Variants in POLQ observed in about 807,000 individuals in gnomAD.
The protein encoded by POLQ is epididymis secretory sperm binding protein.
A neutral mutation model predicts 259.2 loss-of-function variants in POLQ; 233 were observed. That is an observed-to-expected ratio of 0.90 (90% confidence interval 0.81 to 1.00). The LOEUF is 1.00. Ranked by LOEUF, POLQ falls within the 50% of genes least tolerant of loss-of-function variation. The probability of loss-of-function intolerance (pLI) is 0.00; values close to 1 mark genes in which losing one functional copy is unlikely to be tolerated. For missense variants in POLQ, 2,871 were observed against 3,051.6 expected (o/e 0.94, Z 1.39); for synonymous variants, 1,025 against 1,048.8 (o/e 0.98, Z 0.44).
intron 10 of POLQ, among the ~76,000 whole-genome samples, chr3:121,510,867 C>T (rs1189003899): frequency 3.9e-5 from 6 of 152,072 alleles, no homozygotes; most frequent in South Asian, 2.1e-4. Flanking sequence ...GGGCAGATCA[C>T]GAGGTCAGGA....
intron 25 of POLQ, among the ~76,000 whole-genome samples, chr3:121,452,811 G>T (rs1040052208): frequency 1.3e-5 from 2 of 152,130 alleles, no homozygotes; most frequent in African/African-American, 4.8e-5. Flanking sequence ...TGGGGGCAGG[G>T]CACAGAAAAA....
intron 5 of POLQ, 150 bp from the exon 6 acceptor site, chr3:121,533,359 G>T: frequency 2.1e-6 from 1 of 467,030 alleles, no homozygotes; most frequent in East Asian, 3.2e-5. Context: ...CTGAGCCACA[G>T]ATTACTGAGT....
At chr3:121,482,345 C>G (rs1346493198) in intron 18 of POLQ, among the ~76,000 whole-genome samples, 1 of 151,948 alleles carries the variant, frequency 6.6e-6, no homozygotes, top group African/African-American at 2.4e-5. Flanking sequence ...ATGGTGAAAC[C>G]CTGTCTCTAC....
At chr3:121,472,556 G>A (rs533971428) in intron 21 of POLQ, among the ~76,000 whole-genome samples, 1 of 152,098 alleles carries the variant, frequency 6.6e-6, no homozygotes, top group Admixed American at 6.5e-5. Context: ...ATACTTATAC[G>A]GTTTCCATAT....
intron 12 of POLQ, among the ~76,000 whole-genome samples, chr3:121,505,891 G>T (rs989798794): frequency 6.6e-6 from 1 of 150,572 alleles, no homozygotes; most frequent in Non-Finnish European, 1.5e-5. Context: ...GTGTGATGGC[G>T]CATGTCTGTA....
At chr3:121,522,210 T>C in intron 7 of POLQ, 61 bp from the exon 8 acceptor site, 2 of 1,377,540 alleles carry the variant, frequency 1.5e-6, no homozygotes, top group Non-Finnish European at 2.0e-6. Context: ...AGTGTATCTG[T>C]CTAAATCATA....
chr3:121,489,122 G>A lies in POLQ; in HGVS notation c.3809C>T (p.Pro1270Leu), dbSNP rs2048040824. 5.6e-6 allele frequency: 9 copies of A among 1,613,504 alleles called. No individual in the cohort carries two copies. Among genetic ancestry groups the A allele is most frequent in the Non-Finnish European group, 7.6e-6 (9 of 1,179,628 alleles). ...SRTVIPSEVL[P>L]SAGAFSKSEG... ...TGATTTGCTAAATGCTCCAGCTGATGGAAGTACTTCACTGGGTATCACAGT... is the reference window on the plus strand; with the variant it reads ...TGATTTGCTAAATGCTCCAGCTGATAGAAGTACTTCACTGGGTATCACAGT... The change falls in exon 16 of 30, where the codon CCA becomes CTA. Residue 1270 changes from proline (P) to leucine (L), a missense_variant. Around this residue, in one of 3 missense-constraint regions of POLQ, gnomAD observed 2,080 missense variants for 2,126.0 expected, o/e 0.98. Transcript: ENST00000264233.
chr3:121,533,030 A>G lies in POLQ; in HGVS notation c.920T>C (p.Met307Thr). Residue 307 changes from methionine (M) to threonine (T), a missense_variant, in exon 6 of 30, where the codon ATG becomes ACG. Transcript: ENST00000264233. The stretch of plus-strand genomic sequence containing the variant: ...GGGCTCAAATTCCCTCACAAGTTTC[A>G]TTGAAGAGTCATATATGGAATTTCC... The part of the protein sequence containing the change: ...KVGNSIYDSS[M>T]KLVREFEPML... 1.2e-6 allele frequency: 2 copies of G among 1,613,308 alleles called. No individual in the cohort carries two copies. The highest frequency in any genetic ancestry group is 1.7e-6 in the Non-Finnish European group (2 of 1,179,466).
intron 25 of POLQ, 92 bp downstream of exon 25, chr3:121,459,958 G>C: frequency 1.1e-6 from 1 of 938,276 alleles, no homozygotes; most frequent in East Asian, 2.4e-5. Context: ...TGGAGAAACT[G>C]TTTCTCAGCT....
chr3:121,436,085 C>T lies in POLQ; in HGVS notation c.7543+37G>A, dbSNP rs201359906. ...TTTACATTTCTGATACAATTATTCTCATCATGTTACAGCACAGGCCTCATC... is the reference window on the plus strand; with the variant it reads ...TTTACATTTCTGATACAATTATTCTTATCATGTTACAGCACAGGCCTCATC... On this transcript the variant is annotated intron_variant, in intron 28 of 29. Transcript: ENST00000264233. 47 of 1,498,434 alleles carry T rather than the reference C, an allele frequency of 3.1e-5. 1 individual carries two copies. The highest frequency in any genetic ancestry group is 4.0e-5 in the Non-Finnish European group (43 of 1,087,358). The allele number at this position is 1,498,434 out of a possible 1,614,324, so 92.8% of individuals were successfully genotyped here.
intron 25 of POLQ, among the ~76,000 whole-genome samples, chr3:121,451,362 C>A (rs951727437): frequency 5.3e-5 from 8 of 152,240 alleles, no homozygotes; most frequent in African/African-American, 1.9e-4. Flanking sequence ...GGGAGAGGCA[C>A]TCTGATTTTT....
intron 25 of POLQ, among the ~76,000 whole-genome samples, chr3:121,455,951 G>A (rs1404368717): frequency 6.6e-6 from 1 of 151,986 alleles, no homozygotes; most frequent in Non-Finnish European, 1.5e-5. Flanking sequence ...TTAGTCCAAA[G>A]TCCTTGATGA....
rs896108901 is a variant in POLQ, at chr3:121,440,037, T to C, written c.7344A>G (p.Arg2448=). Reference sequence around the variant, plus strand: ...TGTTGTCTTTGATTCCTGGCAAATATCTACGCCTTCCCAAAATGGTCTGAA... The same window carrying C: ...TGTTGTCTTTGATTCCTGGCAAATACCTACGCCTTCCCAAAATGGTCTGAA... The part of the protein sequence containing the change: ...GFVQTILGRR[R]YLPGIKDNNP... Residue 2448 remains arginine, a synonymous_variant, in exon 27 of 30, where the codon AGA becomes AGG. Coordinates refer to ENST00000264233, the MANE Select transcript of POLQ (RefSeq NM_199420.4). 3 of 1,613,574 alleles carry C rather than the reference T, an allele frequency of 1.9e-6. No individual in the cohort carries two copies. The highest frequency in any genetic ancestry group is 1.7e-5 in the Admixed American group (1 of 60,010).
At chr3:121,450,042 G>C (rs1193972857) in intron 25 of POLQ, among the ~76,000 whole-genome samples, 2 of 152,122 alleles carry the variant, frequency 1.3e-5, no homozygotes, top group Admixed American at 6.5e-5. Flanking sequence ...TCACAAGGAC[G>C]GCCGGGGTTC....
At chr3:121,506,154 A>G (rs2048207046) in intron 12 of POLQ, among the ~76,000 whole-genome samples, 1 of 152,168 alleles carries the variant, frequency 6.6e-6, no homozygotes, top group African/African-American at 2.4e-5. Context: ...TTCAACTACT[A>G]GACAAAACAT....
chr3:121,481,699 C>T lies in POLQ; in HGVS notation c.6084G>A (p.Gly2028=). 1 of 1,614,128 alleles carries T rather than the reference C, an allele frequency of 6.2e-7. No individual in the cohort carries two copies. Among genetic ancestry groups the T allele is most frequent in the African/African-American group, 1.3e-5 (1 of 75,038 alleles). Residue 2028 remains glycine, a synonymous_variant, in exon 19 of 30, where the codon GGG becomes GGA. Coordinates refer to ENST00000264233, the MANE Select transcript of POLQ (RefSeq NM_199420.4). ...PLLEGMETSQ[G]IQSLGLNAGS... Reference sequence around the variant, plus strand: ...CAGCATTTAGCCCCAGGCTTTGAATCCCTTGGCTGGTCTCCATCCCTTCTA... The same window carrying T: ...CAGCATTTAGCCCCAGGCTTTGAATTCCTTGGCTGGTCTCCATCCCTTCTA...
chr3:121,506,816 A>G (rs935329497), intron 12 of POLQ, among the ~76,000 whole-genome samples: 1 of 152,238 alleles, frequency 6.6e-6, no homozygotes, highest in Non-Finnish European at 1.5e-5. Context: ...TACTTACTGA[A>G]GCATAATTTG....
chr3:121,507,413 T>C (rs987656572), intron 12 of POLQ, among the ~76,000 whole-genome samples: 1 of 152,196 alleles, frequency 6.6e-6, no homozygotes, highest in Non-Finnish European at 1.5e-5. Context: ...TTCTGTTTTG[T>C]AATGTGAAGT....
At chr3:121,457,473 G>A (rs541296863) in intron 25 of POLQ, among the ~76,000 whole-genome samples, 2,124 of 152,178 alleles carry the variant, frequency 0.014, 49 homozygotes, top group African/African-American at 0.048. Flanking sequence ...GAAAATTTTC[G>A]CAACCTACTC....
Sources: allele counts gnomAD v4.1 joint callset (sites outside exome capture counted in the v4.1 genomes callset), GRCh38; gene constraint gnomAD v4.1.1; regional missense constraint gnomAD v4.1.1; transcripts MANE v1.5; gene names NCBI Gene and HGNC (gene_info 2026-07-23, HGNC 2026-07-21).